AFAP1: variants seen among roughly 807,000 people sequenced by gnomAD.
AFAP1 encodes the protein actin filament-associated protein 1.
Under a neutral mutation model 93.9 loss-of-function variants are expected in AFAP1, and 75 were observed. The ratio of observed to expected loss-of-function variants is 0.80; its 90% CI spans 0.66 to 0.97. AFAP1 has a LOEUF of 0.97. Ranked by LOEUF, AFAP1 falls within the 50% of genes least tolerant of loss-of-function variation. The pLI, the probability that AFAP1 is intolerant of heterozygous loss-of-function variation, is 0.00. For synonymous variants in AFAP1, 517 were observed against 430.7 expected, an observed-to-expected ratio of 1.20 and a Z score of -2.48; for missense variants, 1,201 against 1,050.8, an observed-to-expected ratio of 1.14 and a Z score of -1.98.
At chr4:7,794,077 G>C (rs1718155777) in intron 10 of AFAP1, among the ~76,000 whole-genome samples, 1 of 152,178 alleles carries the variant, frequency 6.6e-6, no homozygotes, top group African/African-American at 2.4e-5. Flanking sequence ...TCCCATTACT[G>C]TGGGGAAAGG....
At chr4:7,910,119 G>A (rs1286113654) in intron 1 of AFAP1, among the ~76,000 whole-genome samples, 2 of 152,158 alleles carry the variant, frequency 1.3e-5, no homozygotes, top group East Asian at 3.8e-4. Context: ...GACTGACTCT[G>A]AGCCATGAAA....
intron 3 of AFAP1, among the ~76,000 whole-genome samples, chr4:7,868,058 A>C (rs186884320): frequency 6.6e-6 from 1 of 152,112 alleles, no homozygotes; most frequent in Non-Finnish European, 1.5e-5. Context: ...ATGGTACATA[A>C]AAGTTTGCAA....
At chr4:7,831,551 G>C (rs1269586752) in intron 6 of AFAP1, among the ~76,000 whole-genome samples, 2 of 152,182 alleles carry the variant, frequency 1.3e-5, no homozygotes, top group African/African-American at 4.8e-5. Flanking sequence ...TCTTGAGAAA[G>C]TTTTGTTTTT....
At chr4:7,801,942 A>AAC (rs1719084074) in intron 9 of AFAP1, among the ~76,000 whole-genome samples, 4 of 140,244 alleles carry the variant, frequency 2.9e-5, no homozygotes, top group Non-Finnish European at 6.2e-5. Context: ...AAAAAAAAAA[A>AAC]CTAATCAATT....
At chr4:7,793,305 T>C (rs1183685766) in intron 11 of AFAP1, among the ~76,000 whole-genome samples, 1 of 152,226 alleles carries the variant, frequency 6.6e-6, no homozygotes, top group Non-Finnish European at 1.5e-5. Flanking sequence ...AGCAAACTAT[T>C]GGCCAAATCC....
intron 10 of AFAP1, among the ~76,000 whole-genome samples, chr4:7,798,376 C>T (rs185791438): frequency 8.0e-6 from 1 of 125,742 alleles, no homozygotes; most frequent in East Asian, 3.1e-4. Flanking sequence ...GGCTGGCTCA[C>T]GGCACTGCAA....
At chr4:7,878,045 C>T (rs1717615838) in intron 1 of AFAP1, among the ~76,000 whole-genome samples, 6 of 152,096 alleles carry the variant, frequency 3.9e-5, no homozygotes, top group South Asian at 2.1e-4. Context: ...GTGGGCATGG[C>T]GTACCAAAAT....
intron 10 of AFAP1, among the ~76,000 whole-genome samples, chr4:7,796,149 G>C (rs9997721): frequency 0.022 from 3,298 of 152,206 alleles, 119 homozygotes; most frequent in African/African-American, 0.073. Flanking sequence ...CGGCAGAAGT[G>C]AGCACATCTG....
rs972219002 is a variant in AFAP1, at chr4:7,820,467, G to A, written c.727-1296C>T. ...GATCAGGGAGAAGGACCTGGAGCCCGTTGGCGTCAAGGAGTAGAGTTAAAG... is the reference window on the plus strand; with the variant it reads ...GATCAGGGAGAAGGACCTGGAGCCCATTGGCGTCAAGGAGTAGAGTTAAAG... On this transcript the variant is annotated intron_variant, in intron 6 of 17. Coordinates refer to ENST00000420658, the MANE Select transcript of AFAP1 (RefSeq NM_001134647.2). 9.9e-5 allele frequency among the ~76,000 whole-genome samples: 15 copies of A among 152,284 alleles called. No homozygotes were observed. In the South Asian group the frequency reaches 2.5e-3, roughly 25 times the overall value.
chr4:7,878,660 T>C (rs781623823), intron 1 of AFAP1, among the ~76,000 whole-genome samples: 4 of 152,256 alleles, frequency 2.6e-5, no homozygotes, highest in South Asian at 2.1e-4. Flanking sequence ...GTACTGACCA[T>C]GTACCAGGCA....
chr4:7,770,768 G>A (rs1715317383), intron 16 of AFAP1, among the ~76,000 whole-genome samples: 1 of 152,174 alleles, frequency 6.6e-6, no homozygotes, highest in African/African-American at 2.4e-5. Flanking sequence ...GAGGACGGGG[G>A]CGGGACAGCT....
chr4:7,873,476 G>A (rs1358453314), intron 1 of AFAP1, among the ~76,000 whole-genome samples: 1 of 146,382 alleles, frequency 6.8e-6, no homozygotes, highest in Non-Finnish European at 1.5e-5. Context: ...AGCCTCCTGA[G>A]TAGCTGGGAC....
At chr4:7,834,891 T>C (rs1374775275) in intron 6 of AFAP1, among the ~76,000 whole-genome samples, 3 of 151,768 alleles carry the variant, frequency 2.0e-5, no homozygotes, top group African/African-American at 7.3e-5. Context: ...GTTACCTGGG[T>C]GGCTCTTGAA....
chr4:7,812,317 C>T (rs912266346), intron 8 of AFAP1, among the ~76,000 whole-genome samples: 9 of 152,092 alleles, frequency 5.9e-5, no homozygotes, highest in Admixed American at 4.6e-4. Flanking sequence ...AAATGCAGCT[C>T]ATCGCGGTGA....
chr4:7,765,611 T>G (rs1714441456), intron 17 of AFAP1, among the ~76,000 whole-genome samples: 1 of 152,192 alleles, frequency 6.6e-6, no homozygotes, highest in African/African-American at 2.4e-5. Flanking sequence ...AAATGGGGTT[T>G]GGCCATGGGA....
chr4:7,917,670 C>A (rs539549609), intron 1 of AFAP1, among the ~76,000 whole-genome samples: 2 of 152,180 alleles, frequency 1.3e-5, no homozygotes, highest in Non-Finnish European at 2.9e-5. Context: ...CAACTCAACA[C>A]CAGCTCTCTC....
chr4:7,791,358 T>C (rs566887109), intron 11 of AFAP1, among the ~76,000 whole-genome samples: 8 of 152,184 alleles, frequency 5.3e-5, no homozygotes, highest in African/African-American at 1.9e-4. Flanking sequence ...TGAAAGATGC[T>C]GGAGCTGCAA....
At chr4:7,861,284 G>A (rs976047857) in intron 3 of AFAP1, among the ~76,000 whole-genome samples, 1 of 152,184 alleles carries the variant, frequency 6.6e-6, no homozygotes, top group Admixed American at 6.5e-5. Flanking sequence ...GCACCCTACG[G>A]CATTCATGCC....
intron 4 of AFAP1, among the ~76,000 whole-genome samples, chr4:7,848,547 C>G (rs1006607184): frequency 1.6e-4 from 24 of 152,156 alleles, no homozygotes; most frequent in African/African-American, 5.8e-4. Flanking sequence ...AAGAAGTCTC[C>G]CAGCTCACGG....
Sources: gnomAD v4.1 joint callset for allele counts (sites outside exome capture counted in the v4.1 genomes callset) on GRCh38, gnomAD v4.1.1 for gene constraint, MANE v1.5 for transcripts, NCBI Gene and HGNC (gene_info 2026-07-23, HGNC 2026-07-21) for gene names.